The following PRKG1 variants were observed in gnomAD, a reference collection of about 807,000 sequenced individuals.
The protein encoded by PRKG1 is protein kinase cGMP-dependent 1, also known as cGMP-dependent protein kinase 1.
Under a neutral mutation model 88.1 loss-of-function variants are expected in PRKG1, and 35 were observed. The observed-to-expected ratio is 0.40, with a 90% CI of 0.30 to 0.53. PRKG1 has a LOEUF of 0.53. PRKG1 is among the 20% of genes least tolerant of loss of function. PRKG1 has a pLI of 0.59. For synonymous variants in PRKG1, 303 were observed against 292.5 expected (o/e 1.04, Z -0.37); for missense variants, 540 against 839.8 (o/e 0.64, Z 4.41).
intron 1 of PRKG1, among the ~76,000 whole-genome samples, chr10:51,122,935 A>G (rs1474573413): frequency 6.6e-6 from 1 of 152,194 alleles, no homozygotes; most frequent in East Asian, 1.9e-4. Flanking sequence ...TATACGTTTT[A>G]TTGAGATATC....
intron 7 of PRKG1, among the ~76,000 whole-genome samples, chr10:52,111,759 T>C (rs992352120): frequency 6.6e-6 from 1 of 152,180 alleles, no homozygotes; most frequent in Non-Finnish European, 1.5e-5. Context: ...TGGTAGGACA[T>C]TCTACTGAAG....
chr10:51,211,624 G>C (rs1838222686), intron 2 of PRKG1, among the ~76,000 whole-genome samples: 1 of 152,088 alleles, frequency 6.6e-6, no homozygotes, highest in Non-Finnish European at 1.5e-5. Flanking sequence ...AAAGTCTCAG[G>C]ATACAAAATC....
intron 3 of PRKG1, among the ~76,000 whole-genome samples, chr10:51,631,799 A>G (rs1398282769): frequency 6.6e-6 from 1 of 152,186 alleles, no homozygotes; most frequent in Non-Finnish European, 1.5e-5. Flanking sequence ...CCAGTGATGG[A>G]GAGTGGCATA....
rs577677879 is a variant in PRKG1, at chr10:52,295,914, C to T, written c.*2014C>T. 3 of 152,070 alleles carry T rather than the reference C, an allele frequency of 2.0e-5. No individual in the cohort carries two copies. Among genetic ancestry groups the T allele is most frequent in the African/African-American group, 7.2e-5 (3 of 41,542 alleles). 9.4% of individuals were successfully genotyped at this position (152,070 alleles called of 1,614,324 possible). On this transcript the variant is annotated 3_prime_UTR_variant, in exon 18 of 18. Coordinates refer to ENST00000373980, the MANE Select transcript of PRKG1 (RefSeq NM_006258.4). ...TATTTTTGGAGTTTTCCGTCCCTTA[C>T]AATTTCTCCAAATTGGTCTATTCCC...
At chr10:51,016,673 C>CTTCTTTCTTT (rs1564571435) in intron 1 of PRKG1, among the ~76,000 whole-genome samples, 2 of 35,182 alleles carry the variant, frequency 5.7e-5, no homozygotes, top group African/African-American at 1.4e-4. Context: ...ATTATCCTTT[C>CTTCTTTCTTT]TTTTTTTTTT....
intron 5 of PRKG1, among the ~76,000 whole-genome samples, chr10:51,934,994 C>A (rs116711364): frequency 1.6e-3 from 239 of 152,212 alleles, no homozygotes; most frequent in African/African-American, 5.4e-3. Flanking sequence ...TTCTATCTGC[C>A]TCTAGCCTAA....
chr10:51,590,321 C>T (rs1442106744), intron 3 of PRKG1, among the ~76,000 whole-genome samples: 1 of 152,118 alleles, frequency 6.6e-6, no homozygotes, highest in African/African-American at 2.4e-5. Context: ...ACCCGCCCCC[C>T]ACAATCATTT....
At chr10:51,960,783 A>C (rs1482051973) in intron 5 of PRKG1, among the ~76,000 whole-genome samples, 1 of 152,186 alleles carries the variant, frequency 6.6e-6, no homozygotes, top group Non-Finnish European at 1.5e-5. Flanking sequence ...AAGAACTCCA[A>C]ATAGGATCTC....
At chr10:51,960,122 C>CTTTTT (rs3029953) in intron 5 of PRKG1, among the ~76,000 whole-genome samples, 1 of 144,648 alleles carries the variant, frequency 6.9e-6, no homozygotes, top group South Asian at 2.2e-4. Context: ...CTTTGGTTTC[C>CTTTTT]TTTTTTTTTT....
At chr10:51,130,426 A>G (rs1453081799) in intron 1 of PRKG1, among the ~76,000 whole-genome samples, 2 of 152,208 alleles carry the variant, frequency 1.3e-5, no homozygotes, top group East Asian at 1.9e-4. Flanking sequence ...TAAACAGTCT[A>G]GTATAGCTCG....
intron 3 of PRKG1, among the ~76,000 whole-genome samples, chr10:51,572,998 A>G (rs193248301): frequency 6.6e-6 from 1 of 151,992 alleles, no homozygotes; most frequent in East Asian, 1.9e-4. Context: ...TGAAAGTAGT[A>G]TTCTTAAGAT....
chr10:52,103,490 C>A (rs1161109055), intron 7 of PRKG1, among the ~76,000 whole-genome samples: 2 of 152,008 alleles, frequency 1.3e-5, no homozygotes, highest in Non-Finnish European at 2.9e-5. Context: ...GAATTAGTAA[C>A]TATATTTTCT....
chr10:51,728,449 C>CT (rs201683049), intron 3 of PRKG1, among the ~76,000 whole-genome samples: 1,267 of 57,758 alleles, frequency 0.022, 55 homozygotes, highest in African/African-American at 0.078. Context: ...TCCATTTTTT[C>CT]TTTGTTTTTT....
chr10:51,672,864 T>A (rs1840618110), intron 3 of PRKG1, among the ~76,000 whole-genome samples: 1 of 152,248 alleles, frequency 6.6e-6, no homozygotes, highest in South Asian at 2.1e-4. Flanking sequence ...CAGCCAATTC[T>A]TGTGTTGGTT....
At chr10:52,117,826 A>C (rs1847724664) in intron 7 of PRKG1, among the ~76,000 whole-genome samples, 1 of 152,072 alleles carries the variant, frequency 6.6e-6, no homozygotes, top group South Asian at 2.1e-4. Context: ...GTGTTTTACA[A>C]AAATGATAAA....
At chr10:51,619,274 G>A (rs751597919) in intron 3 of PRKG1, among the ~76,000 whole-genome samples, 6 of 152,166 alleles carry the variant, frequency 3.9e-5, no homozygotes, top group Non-Finnish European at 7.3e-5. Flanking sequence ...CCCAAGTAAA[G>A]TAAATGTATA....
rs77102875 is a variant in PRKG1, at chr10:51,138,294, C to T, written c.312-14870C>T. Among the ~76,000 whole-genome samples the T allele has an allele frequency of 1.2e-3, 177 of 152,290 alleles. 1 individual carries two copies. Among genetic ancestry groups the T allele is most frequent in the Admixed American group, 0.01 (156 of 15,298 alleles). ...TCAGCACAGAAACCTTAATGATCCTCATGGTGCAGTCATTCTTCTGAATGG... is the reference window on the plus strand; with the variant it reads ...TCAGCACAGAAACCTTAATGATCCTTATGGTGCAGTCATTCTTCTGAATGG... On this transcript the variant is annotated intron_variant, in intron 1 of 17. Transcript: ENST00000373980.
chr10:51,103,198 C>G (rs887873202), intron 1 of PRKG1, among the ~76,000 whole-genome samples: 2 of 151,814 alleles, frequency 1.3e-5, no homozygotes, highest in African/African-American at 2.4e-5. Context: ...AAGAGAAGAT[C>G]CATAGAAGGG....
chr10:51,850,991 T>C (rs2132805854), intron 4 of PRKG1, among the ~76,000 whole-genome samples: 1 of 152,306 alleles, frequency 6.6e-6, no homozygotes, highest in Non-Finnish European at 1.5e-5. Context: ...CAATTTATCC[T>C]AAAGATATGG....
Sources: allele counts gnomAD v4.1 joint callset (sites outside exome capture counted in the v4.1 genomes callset), GRCh38; gene constraint gnomAD v4.1.1; transcripts MANE v1.5; gene names NCBI Gene and HGNC (gene_info 2026-07-23, HGNC 2026-07-21).